Variants in MTAP observed in about 807,000 individuals in gnomAD.
MTAP encodes the protein S-methyl-5'-thioadenosine phosphorylase.
MTAP carries 33 observed loss-of-function variants against 33.6 expected under a neutral mutation model. The ratio of observed to expected loss-of-function variants is 0.98; its 90% CI spans 0.74 to 1.31. MTAP has a LOEUF of 1.31. MTAP is among the 40% of genes most tolerant of loss of function. The pLI is 0.00. For missense variants in MTAP, 367 were observed against 360.0 expected (o/e 1.02, Z -0.16); for synonymous variants, 148 against 125.7 (o/e 1.18, Z -1.19).
chr9:21,868,479 C>G (rs1419512735), downstream of MTAP, among the ~76,000 whole-genome samples: 2 of 152,188 alleles, frequency 1.3e-5, no homozygotes, highest in Non-Finnish European at 2.9e-5. Context: ...GGCTGTCATT[C>G]TCTTACAGAC....
chr9:21,934,431 C>A (rs945738649), downstream of MTAP: 7 of 152,078 alleles, frequency 4.6e-5, no homozygotes, highest in Admixed American at 2.0e-4. The surrounding 1 kb of genome is among the most constrained non-coding windows in gnomAD (Gnocchi z 5.0). Flanking sequence ...ATAAAAATTT[C>A]TTTAAGTTTG....
intron 4 of MTAP, among the ~76,000 whole-genome samples, chr9:21,823,698 G>A (rs1054533207): frequency 6.6e-6 from 1 of 152,176 alleles, no homozygotes; most frequent in African/African-American, 2.4e-5. Flanking sequence ...ATAATATCCT[G>A]CAGACTGTTT....
In MTAP at chr9:21,916,505, G is replaced by T. The variant is rs112050864; in HGVS notation, c.148-14503G>T. On this transcript the variant is annotated intron_variant, in intron 1 of 1. Transcript: ENST00000577563. Reference sequence around the variant, plus strand: ...GGCACTTGTAATCCTAGCTACTCCAGAGGCTGAGTCAGGAGAATCACTTGA... The same window carrying T: ...GGCACTTGTAATCCTAGCTACTCCATAGGCTGAGTCAGGAGAATCACTTGA... Among the ~76,000 whole-genome samples, 8 of 152,206 alleles carry T rather than the reference G, an allele frequency of 5.3e-5. 2 individuals are homozygous for T. The highest frequency in any genetic ancestry group is 2.1e-4 in the South Asian group (1 of 4,812).
chr9:21,859,475 CTTCTT>C lies in MTAP; in HGVS notation c.813+56_813+60del, dbSNP rs768043702. On this transcript the variant is annotated intron_variant, in intron 7 of 7. Transcript: ENST00000644715. Reference sequence around the variant, plus strand: ...GGCATGTCTGTAGACTCTCTATTGTCTTCTTTTCTTACTTGCATTTCACCTTTGGT... The same window carrying C: ...GGCATGTCTGTAGACTCTCTATTGTCTTCTTACTTGCATTTCACCTTTGGT... 3.9e-6 allele frequency: 6 copies of C among 1,534,580 alleles called. No individual in the cohort carries two copies. The South Asian group carries it at 7.6e-5, about 19-fold the overall frequency.
intron 1 of MTAP, among the ~76,000 whole-genome samples, chr9:21,895,718 C>T (rs906681263): frequency 6.6e-6 from 1 of 152,350 alleles, no homozygotes; most frequent in Admixed American, 6.5e-5. Flanking sequence ...ACTGCTAGCA[C>T]GGCAGTCTGA....
chr9:21,940,828 T>C (rs1819126264), downstream of MTAP: 1 of 167,910 alleles, frequency 6.0e-6, no homozygotes, highest in African/African-American at 2.4e-5. Context: ...TAGAGGTTAG[T>C]ATGGAGGTTT....
chr9:21,811,083 T>C (rs561254870), intron 1 of MTAP, among the ~76,000 whole-genome samples: 1 of 152,338 alleles, frequency 6.6e-6, no homozygotes, highest in Non-Finnish European at 1.5e-5. Context: ...CTGTGCCAGC[T>C]CCAGCTCTGG....
chr9:21,802,985 AACAC>A (rs753392319), intron 1 of MTAP: 25,221 of 441,888 alleles, frequency 0.057, 183 homozygotes, highest in East Asian at 0.14. Context: ...CCGCACCGCC[AACAC>A]ACACACACAC....
intron 1 of MTAP, among the ~76,000 whole-genome samples, chr9:21,879,315 T>C (rs1817958124): frequency 6.6e-6 from 1 of 152,182 alleles, no homozygotes. Flanking sequence ...TGCCCTTCTT[T>C]ATCTTTTTCT....
At chr9:21,827,214 G>A (rs1824844229) in intron 4 of MTAP, among the ~76,000 whole-genome samples, 1 of 152,150 alleles carries the variant, frequency 6.6e-6, no homozygotes, top group Admixed American at 6.5e-5. Flanking sequence ...GTAGCGCAGA[G>A]TTAAATCATT....
chr9:21,816,602 T>C, intron 2 of MTAP, 112 bp from the exon 3 acceptor site: 1 of 840,852 alleles, frequency 1.2e-6, no homozygotes, highest in Non-Finnish European at 1.9e-6. Context: ...CTTCTCTAAG[T>C]TGTATCCTCA....
At chr9:21,825,686 C>G (rs1824776859) in intron 4 of MTAP, among the ~76,000 whole-genome samples, 2 of 152,198 alleles carry the variant, frequency 1.3e-5, no homozygotes, top group South Asian at 4.1e-4. Context: ...AAAAATAAAA[C>G]AAAAATTAGC....
intron 1 of MTAP, among the ~76,000 whole-genome samples, chr9:21,886,937 A>G (rs1818121449): frequency 6.6e-6 from 1 of 152,086 alleles, no homozygotes; most frequent in South Asian, 2.1e-4. Flanking sequence ...TCATAGTTCC[A>G]TTTGAATTTT....
intron 6 of MTAP, chr9:21,856,015 T>C (rs1825634988): frequency 4.1e-6 from 1 of 241,820 alleles, no homozygotes; most frequent in Non-Finnish European, 6.7e-6. Context: ...TCAGAATCCC[T>C]TACAATCCAT....
intron 1 of MTAP, among the ~76,000 whole-genome samples, chr9:21,913,483 C>CA (rs1266099256): frequency 6.6e-6 from 1 of 151,884 alleles, no homozygotes; most frequent in East Asian, 1.9e-4. Flanking sequence ...CAAACATCTA[C>CA]AACCATCTGA....
At chr9:21,904,521 G>A (rs1818444051) in intron 1 of MTAP, among the ~76,000 whole-genome samples, 1 of 152,144 alleles carries the variant, frequency 6.6e-6, no homozygotes. Context: ...GTCGTACTCT[G>A]TTGAACACAG....
intron 1 of MTAP, among the ~76,000 whole-genome samples, chr9:21,907,027 G>A (rs1248717578): frequency 6.6e-6 from 1 of 152,206 alleles, no homozygotes; most frequent in Non-Finnish European, 1.5e-5. Context: ...AAGGGTATAT[G>A]ATTGTATGAA....
At chr9:21,820,490 C>G (rs1824605656) in intron 4 of MTAP, among the ~76,000 whole-genome samples, 1 of 152,144 alleles carries the variant, frequency 6.6e-6, no homozygotes, top group African/African-American at 2.4e-5. Flanking sequence ...CTGTTCTGTT[C>G]CATTGGTCTA....
chr9:21,939,407 C>T (rs1425123527), downstream of MTAP, among the ~76,000 whole-genome samples: 1 of 152,012 alleles, frequency 6.6e-6, no homozygotes, highest in Non-Finnish European at 1.5e-5. Flanking sequence ...TCTTTCTTTC[C>T]TTAAGCTATC....
Sources: allele counts gnomAD v4.1 joint callset (sites outside exome capture counted in the v4.1 genomes callset), GRCh38; gene constraint gnomAD v4.1.1; non-coding constraint Gnocchi (gnomAD v3.1); transcripts MANE v1.5; gene names NCBI Gene and HGNC (gene_info 2026-07-23, HGNC 2026-07-21).